The following FBXO10 variants were observed in gnomAD, a reference collection of about 807,000 sequenced individuals.
FBXO10 encodes F-box protein 10.
In FBXO10, 39 loss-of-function variants were observed where a neutral mutation model predicts 80.7. The observed-to-expected ratio is 0.48, with a 90% CI of 0.37 to 0.63. FBXO10 has a LOEUF of 0.63. FBXO10 is among the 30% of genes least tolerant of loss of function. FBXO10 has a pLI of 0.00. For synonymous variants in FBXO10, 449 were observed against 489.6 expected, an observed-to-expected ratio of 0.92 and a Z score of 1.09; for missense variants, 1,025 against 1,269.0, an observed-to-expected ratio of 0.81 and a Z score of 2.92.
At chr9:37,531,462 G>A (rs1821621784) in intron 4 of FBXO10, among the ~76,000 whole-genome samples, 1 of 152,144 alleles carries the variant, frequency 6.6e-6, no homozygotes, top group East Asian at 1.9e-4. Flanking sequence ...AACTCAATAT[G>A]CCCTCACAAT....
At chr9:37,512,936 A>C (rs1422756235) in intron 10 of FBXO10, among the ~76,000 whole-genome samples, 5 of 152,204 alleles carry the variant, frequency 3.3e-5, no homozygotes, top group Non-Finnish European at 7.3e-5. Context: ...CTCTGCCTTC[A>C]ACTCTGCATG....
chr9:37,567,076 G>T (rs1822625777), intron 1 of FBXO10, among the ~76,000 whole-genome samples: 1 of 151,950 alleles, frequency 6.6e-6, no homozygotes, highest in South Asian at 2.1e-4. Flanking sequence ...TCCTTGAAGG[G>T]GCAGGCAAGG....
intron 1 of FBXO10, among the ~76,000 whole-genome samples, chr9:37,551,436 A>G (rs1377228869): frequency 1.3e-5 from 2 of 152,212 alleles, no homozygotes; most frequent in Admixed American, 6.5e-5. Context: ...AAATCTAGGT[A>G]GAGGCACACA....
intron 1 of FBXO10, among the ~76,000 whole-genome samples, chr9:37,567,893 A>T (rs1003469458): frequency 1.3e-5 from 2 of 152,076 alleles, no homozygotes; most frequent in African/African-American, 4.8e-5. Flanking sequence ...CTTCTACTCT[A>T]TTTAGTCCTG....
At chr9:37,519,300 G>T (rs903202043) in intron 8 of FBXO10, among the ~76,000 whole-genome samples, 1 of 152,182 alleles carries the variant, frequency 6.6e-6, no homozygotes, top group Admixed American at 6.5e-5. Flanking sequence ...TTGAAATTTG[G>T]GAAAGGAAAA....
chr9:37,531,963 G>A lies in FBXO10; in HGVS notation c.1515C>T (p.Tyr505=). ...GGGLIAGNNI[Y]HNAEAGVDIR... ...TGTCTACACCAGCCTCTGCATTGTG[G>A]TAAATGTTGTTGCCGGCAATCAAGC... is the stretch of plus-strand genomic sequence containing the variant. The change falls in exon 4 of 11, where the codon TAC becomes TAT. Residue 505 remains tyrosine (Y), a synonymous_variant. Coordinates refer to ENST00000432825, the MANE Select transcript of FBXO10 (RefSeq NM_012166.3). The A allele has an allele frequency of 6.2e-7, 1 of 1,614,022 alleles. No homozygotes were observed. The highest frequency in any genetic ancestry group is 8.5e-7 in the Non-Finnish European group (1 of 1,179,886).
chr9:37,523,720 G>A (rs1170550780), intron 6 of FBXO10, among the ~76,000 whole-genome samples: 4 of 152,086 alleles, frequency 2.6e-5, no homozygotes, highest in South Asian at 4.2e-4. Flanking sequence ...TCGGGAGTTC[G>A]AGACCAGCCT....
At chr9:37,534,108 T>A (rs1444294254) in intron 3 of FBXO10, among the ~76,000 whole-genome samples, 1 of 152,018 alleles carries the variant, frequency 6.6e-6, no homozygotes, top group Non-Finnish European at 1.5e-5. Flanking sequence ...CATGATAATA[T>A]ATAAAAAATC....
In FBXO10 at chr9:37,553,936, A is replaced by G. The variant is rs186622514; in HGVS notation, c.-6-12162T>C. On this transcript the variant is annotated intron_variant, in intron 1 of 10. Transcript: ENST00000432825. ...TGCCTCAAAAAAAAAAAAAAAAAAA[A>G]AAAGAAAGAAAGAAAGAATAGAGAT... Among the ~76,000 whole-genome samples, 510 of 148,920 alleles carry G rather than the reference A, an allele frequency of 3.4e-3. 3 individuals are homozygous for G. Among genetic ancestry groups the G allele is most frequent in the African/African-American group, 0.012 (470 of 39,176 alleles).
intron 1 of FBXO10, 62 bp from the exon 2 acceptor site, chr9:37,541,836 T>A: frequency 7.2e-7 from 1 of 1,386,710 alleles, no homozygotes; most frequent in South Asian, 1.5e-5. Context: ...TCCCCCTTTT[T>A]TATTTTTTTG....
At chr9:37,553,334 C>T (rs1037524194) in intron 1 of FBXO10, among the ~76,000 whole-genome samples, 3 of 152,012 alleles carry the variant, frequency 2.0e-5, no homozygotes, top group Non-Finnish European at 4.4e-5. Flanking sequence ...CCACCGCGCC[C>T]GGCCACATGT....
At position 37,541,434 on chromosome 9, in the gene FBXO10, A is replaced by T; in HGVS notation, c.335T>A (p.Val112Asp). 1 of 1,614,030 alleles carries T rather than the reference A, an allele frequency of 6.2e-7. No homozygotes were observed. The highest frequency in any genetic ancestry group is 2.2e-5 in the East Asian group (1 of 44,872). ...GCTGTCAAACTCACGGCCTGGCCCA[A>T]CACTCAGGGTACGTCGTTCCCTCCT... ...RRRRERRTLS[V>D]GPGREFDSLG... is the part of the protein sequence containing the mutation. Residue 112 changes from valine (V) to aspartate (D), a missense_variant, in exon 2 of 11, where the codon GTT (valine) becomes GAT (aspartate). By Grantham distance (152) the Val-to-Asp change is radical (BLOSUM62 -3). This residue lies in a region of FBXO10 where 450 missense variants were observed against 499.4 expected (regional missense o/e 0.90). Transcript: ENST00000432825.
intron 1 of FBXO10, among the ~76,000 whole-genome samples, chr9:37,548,742 T>A (rs371311647): frequency 2.0e-5 from 3 of 152,208 alleles, no homozygotes; most frequent in South Asian, 4.2e-4. Flanking sequence ...TGGATTACTA[T>A]GACAGATCCT....
intron 9 of FBXO10, among the ~76,000 whole-genome samples, chr9:37,517,234 G>A (rs996297432): frequency 6.6e-5 from 10 of 152,218 alleles, no homozygotes; most frequent in Middle Eastern, 3.4e-3. Flanking sequence ...CAGGGTGAGG[G>A]ATAAAAGACT....
chr9:37,558,326 G>A (rs1367721952), intron 1 of FBXO10, among the ~76,000 whole-genome samples: 1 of 152,134 alleles, frequency 6.6e-6, no homozygotes, highest in South Asian at 2.1e-4. Context: ...TCTCAGGAGG[G>A]ACTTGGAATA....
intron 9 of FBXO10, among the ~76,000 whole-genome samples, chr9:37,516,425 C>T (rs530760133): frequency 6.6e-6 from 1 of 152,218 alleles, no homozygotes; most frequent in Non-Finnish European, 1.5e-5. Flanking sequence ...GTGTGTCCCT[C>T]TCTCCCTTCC....
chr9:37,543,154 T>C (rs2119132294), intron 1 of FBXO10, among the ~76,000 whole-genome samples: 1 of 152,344 alleles, frequency 6.6e-6, no homozygotes, highest in South Asian at 2.1e-4. Context: ...AGCAGTTAAT[T>C]GGTTATTCTG....
chr9:37,567,700 T>C (rs1341199597), intron 1 of FBXO10, among the ~76,000 whole-genome samples: 1 of 152,090 alleles, frequency 6.6e-6, no homozygotes, highest in Non-Finnish European at 1.5e-5. Context: ...TGGCTAATTT[T>C]TGCATTTTTA....
intron 3 of FBXO10, among the ~76,000 whole-genome samples, chr9:37,533,483 T>C (rs960257790): frequency 2.6e-5 from 4 of 151,954 alleles, no homozygotes; most frequent in African/African-American, 9.7e-5. Context: ...GAGGCAGAGG[T>C]TGCAGTGAGC....
Sources: allele counts gnomAD v4.1 joint callset (sites outside exome capture counted in the v4.1 genomes callset), GRCh38; gene constraint gnomAD v4.1.1; regional missense constraint gnomAD v4.1.1; transcripts MANE v1.5; gene names NCBI Gene and HGNC (gene_info 2026-07-23, HGNC 2026-07-21).